Variants in SLCO3A1 observed in about 807,000 individuals in gnomAD.
SLCO3A1 encodes the protein PGE1 transporter.
Under a neutral mutation model 63.1 loss-of-function variants are expected in SLCO3A1, and 27 were observed. The observed-to-expected ratio is 0.43, with a 90% CI of 0.32 to 0.59. The LOEUF is 0.59. Among genes scored for constraint, SLCO3A1 ranks in the 20% least tolerant of loss-of-function variants. The pLI is 0.09. For missense variants in SLCO3A1, 773 were observed against 945.8 expected (o/e 0.82, Z 2.40); for synonymous variants, 473 against 409.9 (o/e 1.15, Z -1.86).
chr15:91,988,009 C>T (rs1390772088), intron 2 of SLCO3A1, among the ~76,000 whole-genome samples: 2 of 152,146 alleles, frequency 1.3e-5, no homozygotes, highest in Admixed American at 6.5e-5. Flanking sequence ...TTTACAAACC[C>T]ATGTCTGTAC....
At chr15:92,097,531 C>T (rs1183673582) in intron 3 of SLCO3A1, among the ~76,000 whole-genome samples, 2 of 152,190 alleles carry the variant, frequency 1.3e-5, no homozygotes, top group Non-Finnish European at 1.5e-5. Flanking sequence ...CAGGGTGGAG[C>T]GGTGTGATCC....
Position 91,916,602 on chromosome 15 carries a change from TG to T in SLCO3A1, c.646+149del. The T allele has an allele frequency of 1.5e-6, 1 of 658,378 alleles. No individual in the cohort carries two copies. The highest frequency in any genetic ancestry group is 2.5e-6 in the Non-Finnish European group (1 of 397,838). 40.8% of individuals were successfully genotyped at this position (658,378 alleles called of 1,614,324 possible). ...AGTGTTCTTGAAAAATACTCATGCC[TG>T]GGGGTGCAACCTGGGCATTGAGACG... is the stretch of plus-strand genomic sequence containing the variant. On this transcript the variant is annotated intron_variant, in intron 2 of 9. Transcript: ENST00000318445. The surrounding 1 kb of genome is among the most constrained non-coding windows in gnomAD (Gnocchi z 6.2).
rs549124416 is a variant in SLCO3A1 at position 92,154,133 on chromosome 15, C to G, written c.1753+3119C>G. Among the ~76,000 whole-genome samples the G allele has an allele frequency of 2.0e-5, 3 of 152,072 alleles. No homozygotes were observed. In the South Asian group the frequency reaches 6.2e-4, roughly 32 times the overall value. ...TGTAATGAAGTGAATGACAGAGGCT[C>G]GTGCCGAGATGGTGCTCGCAGGATG... On this transcript the variant is annotated intron_variant, in intron 9 of 9. Coordinates refer to ENST00000318445, the MANE Select transcript of SLCO3A1 (RefSeq NM_013272.4).
At chr15:92,066,221 G>A (rs1189541462) in intron 2 of SLCO3A1, among the ~76,000 whole-genome samples, 1 of 152,212 alleles carries the variant, frequency 6.6e-6, no homozygotes, top group Non-Finnish European at 1.5e-5. Flanking sequence ...TCCAGAGGGG[G>A]AGTTGGTAGA....
intron 2 of SLCO3A1, among the ~76,000 whole-genome samples, chr15:91,996,217 A>T (rs1352158359): frequency 6.6e-6 from 1 of 152,168 alleles, no homozygotes; most frequent in African/African-American, 2.4e-5. Context: ...GGCAAATGAA[A>T]ATTGTTTAAG....
At chr15:92,020,198 GTATATATACACACACACAC>G (rs906532866) in intron 2 of SLCO3A1, among the ~76,000 whole-genome samples, 38 of 151,400 alleles carry the variant, frequency 2.5e-4, no homozygotes, top group Admixed American at 2.0e-4. Context: ...GTGTGCATGT[GTATATATACACACACACAC>G]TATATATACA....
intron 5 of SLCO3A1, among the ~76,000 whole-genome samples, chr15:92,122,952 A>G (rs1440824217): frequency 6.6e-6 from 1 of 152,200 alleles, no homozygotes; most frequent in Non-Finnish European, 1.5e-5. Flanking sequence ...AGAGGCCAGA[A>G]TAGTGGTTAC....
chr15:92,065,925 G>A (rs1451712688), intron 2 of SLCO3A1, among the ~76,000 whole-genome samples: 1 of 152,220 alleles, frequency 6.6e-6, no homozygotes, highest in African/African-American at 2.4e-5. Flanking sequence ...AGCCTGTTAG[G>A]AAAGGCAGTG....
intron 2 of SLCO3A1, among the ~76,000 whole-genome samples, chr15:92,008,753 G>A (rs547403737): frequency 6.4e-4 from 97 of 152,240 alleles, no homozygotes; most frequent in African/African-American, 2.2e-3. Context: ...TGATTATTAC[G>A]CCTAGAAAAC....
At chr15:91,993,988 C>T (rs909169156) in intron 2 of SLCO3A1, among the ~76,000 whole-genome samples, 7 of 152,184 alleles carry the variant, frequency 4.6e-5, no homozygotes, top group African/African-American at 1.7e-4. Context: ...TCTTCCAGCC[C>T]CAGGCAAGCC....
rs557908035 is a variant in SLCO3A1 at position 92,010,815 on chromosome 15, G to C, written c.647-84066G>C. Among the ~76,000 whole-genome samples the C allele has an allele frequency of 7.5e-4, 114 of 152,220 alleles. 1 individual carries two copies. The highest frequency in any genetic ancestry group is 2.7e-3 in the African/African-American group (111 of 41,530). Reference sequence around the variant, plus strand: ...TGGGCAGTCTCAGGGGGCCCTGATTGTTTTCACAACTGTCTCTATGATCCA... The same window carrying C: ...TGGGCAGTCTCAGGGGGCCCTGATTCTTTTCACAACTGTCTCTATGATCCA... On this transcript the variant is annotated intron_variant, in intron 2 of 9. Transcript: ENST00000318445.
chr15:92,036,082 C>T (rs2046722094), intron 2 of SLCO3A1, among the ~76,000 whole-genome samples: 1 of 152,212 alleles, frequency 6.6e-6, no homozygotes. Flanking sequence ...TCTCCAACTG[C>T]AGAACATCCC....
At position 91,954,807 on chromosome 15, in the gene SLCO3A1, T is replaced by C. The variant is rs72754023; in HGVS notation, c.646+38349T>C. Among the ~76,000 whole-genome samples, 8,937 of 152,120 alleles carry C rather than the reference T, an allele frequency of 0.059. 377 individuals carry two copies. Among genetic ancestry groups the C allele is most frequent in the Non-Finnish European group, 0.088 (6,005 of 67,980 alleles). On this transcript the variant is annotated intron_variant, in intron 2 of 9. Transcript: ENST00000318445. This position sits in a 1 kb window ranked among gnomAD's most constrained non-coding sequence, Gnocchi z 4.7. ...CAAGGATCCGAGGGGAAGGAGTCCA[T>C]CACTGGCCTAGACACCATACCCTGA...
At chr15:91,913,666 A>G (rs1898558776) in intron 1 of SLCO3A1, among the ~76,000 whole-genome samples, 1 of 152,208 alleles carries the variant, frequency 6.6e-6, no homozygotes, top group Admixed American at 6.5e-5. Context: ...GTATGTTTAT[A>G]TGTGCATAGA....
intron 2 of SLCO3A1, among the ~76,000 whole-genome samples, chr15:92,018,972 G>T (rs2046472990): frequency 6.6e-6 from 1 of 152,152 alleles, no homozygotes; most frequent in Non-Finnish European, 1.5e-5. Flanking sequence ...CCCCCCAGGA[G>T]GCTATTTTTA....
chr15:92,055,673 A>G (rs890641190), intron 2 of SLCO3A1, among the ~76,000 whole-genome samples: 7 of 152,208 alleles, frequency 4.6e-5, no homozygotes, highest in Non-Finnish European at 1.0e-4. Flanking sequence ...CAAGAGAAAG[A>G]CTGGGCCACA....
intron 2 of SLCO3A1, among the ~76,000 whole-genome samples, chr15:92,060,463 G>A (rs949688455): frequency 2.0e-5 from 3 of 151,402 alleles, no homozygotes; most frequent in African/African-American, 4.9e-5. Context: ...GGGAGGCTGA[G>A]GCACGCTTGA....
At position 91,916,300 on chromosome 15, in the gene SLCO3A1, C is replaced by CCGACCT. The variant is rs760893621; in HGVS notation, c.490_495dup (p.Asp164_Leu165dup). 2 of 1,566,798 alleles carry CCGACCT rather than the reference C, an allele frequency of 1.3e-6. No individual in the cohort carries two copies. The highest frequency in any genetic ancestry group is 8.6e-7 in the Non-Finnish European group (1 of 1,157,450). On this transcript the variant is annotated inframe_insertion, in exon 2 of 10. Coordinates refer to ENST00000318445, the MANE Select transcript of SLCO3A1 (RefSeq NM_013272.4). This position sits in a 1 kb window ranked among gnomAD's most constrained non-coding sequence, Gnocchi z 6.2. The stretch of plus-strand genomic sequence containing the variant: ...TCGGGCGGCGACGAGGGGCCCGACC[C>CCGACCT]CGACCTCATCTGCCGCAACCGGACG...
intron 9 of SLCO3A1, among the ~76,000 whole-genome samples, chr15:92,156,070 A>G (rs2048367693): frequency 6.6e-6 from 1 of 152,162 alleles, no homozygotes; most frequent in Non-Finnish European, 1.5e-5. Context: ...GGAAAAGTAC[A>G]TCCTAGACAC....
Sources: gnomAD v4.1 joint callset for allele counts (sites outside exome capture counted in the v4.1 genomes callset) on GRCh38, gnomAD v4.1.1 for gene constraint, Gnocchi (gnomAD v3.1) non-coding constraint, MANE v1.5 for transcripts, NCBI Gene and HGNC (gene_info 2026-07-23, HGNC 2026-07-21) for gene names.